ZNF341: variants seen among roughly 807,000 people sequenced by gnomAD.
ZNF341 encodes the protein zinc finger protein 341.
A neutral mutation model predicts 87.7 loss-of-function variants in ZNF341; 52 were observed. The ratio of observed to expected loss-of-function variants is 0.59; its 90% CI spans 0.47 to 0.75. The LOEUF is 0.75. Ranked by LOEUF, ZNF341 falls within the 30% of genes least tolerant of loss-of-function variation. The pLI is 0.00. For synonymous variants in ZNF341, 459 were observed against 472.7 expected, an observed-to-expected ratio of 0.97 and a Z score of 0.38; for missense variants, 977 against 1,145.9, an observed-to-expected ratio of 0.85 and a Z score of 2.13.
In ZNF341 at chr20:33,757,314, G is replaced by A. The variant is rs749406045; in HGVS notation, c.908G>A (p.Arg303Gln). The change falls in exon 6 of 15, where the codon CGA becomes CAA. Residue 303 changes from arginine (R) to glutamine (Q), a missense_variant. Around this residue, in one of 3 missense-constraint regions of ZNF341, gnomAD observed 515 missense variants for 598.2 expected, o/e 0.86. Transcript: ENST00000375200. ...TCTCCAGCAACGCTGAAGACCCGAC[G>A]AGCTAAAGGTGCCAGGGGACTCCCG... The part of the protein sequence containing the change: ...FDSPATLKTR[R>Q]AKGARGLPEA... 22 of 1,578,884 alleles carry A rather than the reference G, an allele frequency of 1.4e-5. No individual in the cohort carries two copies. The highest frequency in any genetic ancestry group is 1.5e-5 in the Non-Finnish European group (18 of 1,163,632).
At chr20:33,790,739 CT>C (rs1476449647) in intron 14 of ZNF341, among the ~76,000 whole-genome samples, 1 of 152,158 alleles carries the variant, frequency 6.6e-6, no homozygotes, top group African/African-American at 2.4e-5. Context: ...GAGTGAGCAG[CT>C]GTTCCAGGCA....
Position 33,757,257 on chromosome 20 carries a change from G to C in ZNF341, c.851G>C (p.Ser284Thr). The change falls in exon 6 of 15, where the codon AGC becomes ACC. Residue 284 changes from serine to threonine, a missense_variant. Ser to Thr is a moderately conservative substitution (Grantham distance 58, BLOSUM62 1). Transcript: ENST00000375200. ...CCAAACCCCGCCGCCCCCATGACCA[G>C]CGCCACCGGGGGCACGGTGGCCACC... ...KGPNPAAPMT[S>T]ATGGTVATFD... 1 of 1,606,064 alleles carries C rather than the reference G, an allele frequency of 6.2e-7. No individual in the cohort carries two copies. The highest frequency in any genetic ancestry group is 8.5e-7 in the Non-Finnish European group (1 of 1,176,810).
chr20:33,744,774 T>C (rs1017289003), intron 2 of ZNF341, among the ~76,000 whole-genome samples: 2 of 152,108 alleles, frequency 1.3e-5, no homozygotes, highest in Non-Finnish European at 2.9e-5. Context: ...GTATTTTTAG[T>C]GGAGATGGGG....
intron 2 of ZNF341, among the ~76,000 whole-genome samples, chr20:33,741,766 C>T (rs2122637214): frequency 6.6e-6 from 1 of 152,296 alleles, no homozygotes; most frequent in Non-Finnish European, 1.5e-5. Flanking sequence ...ATTCCACAAA[C>T]ATTTTTGTGT....
intron 12 of ZNF341, among the ~76,000 whole-genome samples, chr20:33,785,424 G>A (rs1402070950): frequency 2.0e-5 from 3 of 151,784 alleles, no homozygotes; most frequent in Non-Finnish European, 4.4e-5. Flanking sequence ...TACAACCTCC[G>A]CCTCCCAGGT....
intron 8 of ZNF341, among the ~76,000 whole-genome samples, chr20:33,764,559 ATATTTTTTTTTTTTTT>A (rs2019363731): frequency 4.1e-5 from 2 of 48,954 alleles, no homozygotes; most frequent in South Asian, 8.2e-4. Context: ...ATATATATAT[ATATTTTTTTTTTTTTT>A]TTTTTTTTTT....
intron 1 of ZNF341, among the ~76,000 whole-genome samples, chr20:33,733,874 A>T (rs760581734): frequency 6.6e-6 from 1 of 152,240 alleles, no homozygotes. Context: ...GTCATGTAGA[A>T]TAAGATGACC....
chr20:33,790,489 C>G (rs1270908433), intron 14 of ZNF341, among the ~76,000 whole-genome samples: 2 of 152,148 alleles, frequency 1.3e-5, no homozygotes, highest in Admixed American at 1.3e-4. Flanking sequence ...GTTGTGACAA[C>G]CAAAAATGTC....
At chr20:33,736,374 G>A (rs2018685693) in intron 1 of ZNF341, among the ~76,000 whole-genome samples, 1 of 151,984 alleles carries the variant, frequency 6.6e-6, no homozygotes, top group Admixed American at 6.6e-5. Context: ...TCATCCCCGG[G>A]CTTGGGCCAA....
At chr20:33,774,092 C>T (rs959075683) in intron 10 of ZNF341, among the ~76,000 whole-genome samples, 7 of 145,396 alleles carry the variant, frequency 4.8e-5, no homozygotes, top group Non-Finnish European at 9.0e-5. Context: ...CCAGCCTGGC[C>T]AACACAGTGA....
chr20:33,752,093 T>A, intron 4 of ZNF341: 1 of 405,596 alleles, frequency 2.5e-6, no homozygotes, highest in Non-Finnish European at 4.7e-6. Context: ...AGTCACGAGC[T>A]AGTGCTGCAA....
intron 1 of ZNF341, among the ~76,000 whole-genome samples, chr20:33,734,894 G>A (rs564816562): frequency 6.6e-6 from 1 of 152,082 alleles, no homozygotes; most frequent in South Asian, 2.1e-4. Flanking sequence ...TAATAGAGAA[G>A]GGGGTTTCAC....
intron 12 of ZNF341, among the ~76,000 whole-genome samples, chr20:33,786,200 C>T (rs1368009363): frequency 1.3e-5 from 2 of 151,784 alleles, no homozygotes; most frequent in Non-Finnish European, 2.9e-5. Context: ...TATGTGGTTT[C>T]ACCATGTTGG....
intron 2 of ZNF341, among the ~76,000 whole-genome samples, chr20:33,743,031 CTTTTTTTTTTT>C (rs150306011): frequency 7.2e-6 from 1 of 139,262 alleles, no homozygotes; most frequent in Non-Finnish European, 1.6e-5. Context: ...CTGTCTCTCT[CTTTTTTTTTTT>C]TTTTTTGAGA....
At chr20:33,779,109 G>A (rs1408084506) in intron 10 of ZNF341, among the ~76,000 whole-genome samples, 1 of 152,202 alleles carries the variant, frequency 6.6e-6, no homozygotes, top group African/African-American at 2.4e-5. Context: ...AGGAAGCATA[G>A]TGTCTGAGCT....
At chr20:33,745,433 A>T in intron 3 of ZNF341, 134 bp downstream of exon 3, 10 of 824,956 alleles carry the variant, frequency 1.2e-5, no homozygotes, top group Non-Finnish European at 1.9e-5. Flanking sequence ...GGCGAGATGG[A>T]TGGTGCACAT....
At chr20:33,743,497 G>A (rs1018293673) in intron 2 of ZNF341, among the ~76,000 whole-genome samples, 1 of 151,446 alleles carries the variant, frequency 6.6e-6, no homozygotes, top group Non-Finnish European at 1.5e-5. Flanking sequence ...GCACCATCAT[G>A]CCCAGCTAAT....
At position 33,783,729 on chromosome 20, in the gene ZNF341, C is replaced by T; in HGVS notation, c.1720-3C>T. 4 of 1,613,818 alleles carry T rather than the reference C, an allele frequency of 2.5e-6. No individual in the cohort carries two copies. The highest frequency in any genetic ancestry group is 3.4e-6 in the Non-Finnish European group (4 of 1,179,872). ...AGACCTGAAGGCCCCTCTTCTCTCC[C>T]AGGTGTTTCCTTGTGAACGCTACCT... On this transcript the variant is annotated splice_region_variant and splice_polypyrimidine_tract_variant and intron_variant, in intron 11 of 14. Coordinates refer to ENST00000375200, the MANE Select transcript of ZNF341 (RefSeq NM_001282933.2).
At position 33,740,471 on chromosome 20, in the gene ZNF341, A is replaced by G. The variant is rs547660465; in HGVS notation, c.32-431A>G. ...ACAATGGAAATAGAAGAGAATGTAT[A>G]TTGGGGCATAGCCGGCCATCCTTGC... On this transcript the variant is annotated intron_variant, in intron 1 of 14. Transcript: ENST00000375200. Among the ~76,000 whole-genome samples the G allele has an allele frequency of 6.3e-4, 96 of 152,298 alleles. 1 individual carries two copies. The highest frequency in any genetic ancestry group is 2.1e-3 in the African/African-American group (89 of 41,584).
Sources: gnomAD v4.1 joint callset for allele counts (sites outside exome capture counted in the v4.1 genomes callset) on GRCh38, gnomAD v4.1.1 for gene constraint, gnomAD v4.1.1 regional missense constraint, MANE v1.5 for transcripts, NCBI Gene and HGNC (gene_info 2026-07-23, HGNC 2026-07-21) for gene names.